Variants in ZNF385D observed in about 807,000 individuals in gnomAD.
The protein encoded by ZNF385D is zinc finger protein 385D.
ZNF385D carries 15 observed loss-of-function variants against 35.8 expected under a neutral mutation model. The ratio of observed to expected loss-of-function variants is 0.42; its 90% CI spans 0.28 to 0.64. ZNF385D has a LOEUF of 0.64. Among genes scored for constraint, ZNF385D ranks in the 30% least tolerant of loss-of-function variants. ZNF385D has a pLI of 0.23. For synonymous variants in ZNF385D, 212 were observed against 186.8 expected, an observed-to-expected ratio of 1.13 and a Z score of -1.10; for missense variants, 474 against 494.6, an observed-to-expected ratio of 0.96 and a Z score of 0.39.
At chr3:21,471,516 T>C (rs901857794) in intron 4 of ZNF385D, among the ~76,000 whole-genome samples, 3 of 152,072 alleles carry the variant, frequency 2.0e-5, no homozygotes, top group Non-Finnish European at 4.4e-5. Context: ...GCAACTCATT[T>C]CTCTTCAACA....
At position 21,566,377 on chromosome 3, in the gene ZNF385D, C is replaced by CACTT. The variant is rs1240758629; in HGVS notation, c.166-1697_166-1694dup. Among the ~76,000 whole-genome samples the CACTT allele has an allele frequency of 9.9e-5, 15 of 152,170 alleles. 1 individual carries two copies. On this transcript the variant is annotated intron_variant, in intron 2 of 7. Coordinates refer to ENST00000281523, the MANE Select transcript of ZNF385D (RefSeq NM_024697.3). ...CGATAGCTCATGCCTATAATCCCAG[C>CACTT]ACTTTGGGAAGGCCGAGGTGGGTGG...
At chr3:21,904,370 T>C (rs1699568970) in intron 3 of ZNF385D, among the ~76,000 whole-genome samples, 1 of 148,486 alleles carries the variant, frequency 6.7e-6, no homozygotes, top group Non-Finnish European at 1.5e-5. Flanking sequence ...CTATGAAGAG[T>C]ATATATTTTT....
At chr3:21,912,684 C>G (rs1223188507) in intron 3 of ZNF385D, among the ~76,000 whole-genome samples, 1 of 152,012 alleles carries the variant, frequency 6.6e-6, no homozygotes, top group African/African-American at 2.4e-5. Flanking sequence ...CTTTCCCCAT[C>G]CTTTTGAAAT....
chr3:22,266,167 T>G (rs1286437483), intron 2 of ZNF385D, among the ~76,000 whole-genome samples: 2 of 152,090 alleles, frequency 1.3e-5, no homozygotes, highest in Middle Eastern at 3.4e-3. Context: ...CTCTTTCCAT[T>G]TGGACCTTCA....
intron 1 of ZNF385D, among the ~76,000 whole-genome samples, chr3:21,736,512 C>CAAAGG (rs2069249895): frequency 6.6e-6 from 1 of 152,122 alleles, no homozygotes; most frequent in African/African-American, 2.4e-5. Flanking sequence ...TTATAACTAC[C>CAAAGG]TTCAGAGATC....
intron 2 of ZNF385D, among the ~76,000 whole-genome samples, chr3:22,174,127 G>C (rs17010947): frequency 0.027 from 4,170 of 151,880 alleles, 187 homozygotes; most frequent in African/African-American, 0.095. Flanking sequence ...TAACCCTATT[G>C]CAACTCCCAC....
At chr3:22,180,365 A>C (rs933573715) in intron 2 of ZNF385D, among the ~76,000 whole-genome samples, 2 of 152,238 alleles carry the variant, frequency 1.3e-5, no homozygotes, top group African/African-American at 2.4e-5. Context: ...TACAAGGAGG[A>C]GCTGGGACCA....
intron 3 of ZNF385D, among the ~76,000 whole-genome samples, chr3:22,122,403 T>G (rs2125667994): frequency 6.6e-6 from 1 of 152,206 alleles, no homozygotes; most frequent in Non-Finnish European, 1.5e-5. Flanking sequence ...ATAATAGTAT[T>G]TTCTCAAACA....
chr3:22,194,708 C>A (rs886390874), intron 2 of ZNF385D, among the ~76,000 whole-genome samples: 1 of 151,788 alleles, frequency 6.6e-6, no homozygotes, highest in South Asian at 2.1e-4. Context: ...TGTTCTATGT[C>A]ATTCGTTTTT....
intron 3 of ZNF385D, among the ~76,000 whole-genome samples, chr3:22,135,987 C>T (rs543083828): frequency 6.6e-6 from 1 of 152,262 alleles, no homozygotes; most frequent in East Asian, 1.9e-4. Flanking sequence ...ATGGGTCACA[C>T]CCTTGACATA....
At chr3:21,772,714 C>G (rs1214893012) in intron 3 of ZNF385D, among the ~76,000 whole-genome samples, 1 of 151,762 alleles carries the variant, frequency 6.6e-6, no homozygotes, top group African/African-American at 2.4e-5. Flanking sequence ...AATTCAGTTT[C>G]TAAAAGAAAT....
chr3:21,995,626 C>T (rs189375355), intron 3 of ZNF385D, among the ~76,000 whole-genome samples: 1 of 151,912 alleles, frequency 6.6e-6, no homozygotes, highest in African/African-American at 2.4e-5. Flanking sequence ...TGAGTGCCAG[C>T]TGTGGTGGGT....
At chr3:22,285,822 C>A (rs1352596143) in intron 2 of ZNF385D, among the ~76,000 whole-genome samples, 1 of 152,144 alleles carries the variant, frequency 6.6e-6, no homozygotes, top group Non-Finnish European at 1.5e-5. Flanking sequence ...TCCCACTCAA[C>A]TGACAGTGTC....
At chr3:21,457,845 T>A (rs1426804313) in intron 4 of ZNF385D, among the ~76,000 whole-genome samples, 2 of 152,204 alleles carry the variant, frequency 1.3e-5, no homozygotes, top group Non-Finnish European at 2.9e-5. Context: ...AGCCCTTGTG[T>A]TTCCAAAGGC....
chr3:22,118,556 A>G (rs540732494), intron 3 of ZNF385D, among the ~76,000 whole-genome samples: 29 of 152,206 alleles, frequency 1.9e-4, no homozygotes, highest in African/African-American at 6.7e-4. Context: ...AAATTACACC[A>G]TTAGGTATAC....
At chr3:21,473,449 G>C (rs1290377471) in intron 4 of ZNF385D, among the ~76,000 whole-genome samples, 1 of 152,174 alleles carries the variant, frequency 6.6e-6, no homozygotes, top group South Asian at 2.1e-4. Flanking sequence ...TATCAAGGAA[G>C]GATCTGGTTT....
chr3:21,671,331 T>G (rs1213381024), intron 1 of ZNF385D, among the ~76,000 whole-genome samples: 1 of 152,088 alleles, frequency 6.6e-6, no homozygotes, highest in Admixed American at 6.6e-5. Context: ...ATTCTTCAGT[T>G]AAAAAAGCAA....
At chr3:22,000,544 T>A in intron 3 of ZNF385D, among the ~76,000 whole-genome samples, 1 of 152,134 alleles carries the variant, frequency 6.6e-6, no homozygotes, top group Non-Finnish European at 1.5e-5. Flanking sequence ...TGGGGGTTGC[T>A]CTGTCTATGG....
At chr3:21,886,650 C>T (rs1236054219) in intron 3 of ZNF385D, among the ~76,000 whole-genome samples, 2 of 152,046 alleles carry the variant, frequency 1.3e-5, no homozygotes, top group Non-Finnish European at 1.5e-5. Flanking sequence ...AACTGGAGTG[C>T]ATCTGTAGAA....
Sources: gnomAD v4.1 joint callset for allele counts (sites outside exome capture counted in the v4.1 genomes callset) on GRCh38, gnomAD v4.1.1 for gene constraint, MANE v1.5 for transcripts, NCBI Gene and HGNC (gene_info 2026-07-23, HGNC 2026-07-21) for gene names.